The following ATP2B2 variants were observed in gnomAD, a reference collection of about 807,000 sequenced individuals.
ATP2B2 encodes the protein plasma membrane calcium-transporting ATPase 2.
ATP2B2 carries 15 observed loss-of-function variants against 120.0 expected under a neutral mutation model. That is an observed-to-expected ratio of 0.12 (90% CI 0.08 to 0.19). The LOEUF is 0.19. Ranked by LOEUF, ATP2B2 falls within the 10% of genes least tolerant of loss-of-function variation. The probability of loss-of-function intolerance (pLI) is 1.00; values close to 1 mark genes in which losing one functional copy is unlikely to be tolerated. For missense variants in ATP2B2, 1,045 were observed against 1,719.8 expected (o/e 0.61, Z 6.94); for synonymous variants, 694 against 700.3 (o/e 0.99, Z 0.14).
intron 2 of ATP2B2, among the ~76,000 whole-genome samples, chr3:10,546,821 C>T (rs1313851199): frequency 6.6e-6 from 1 of 152,290 alleles, no homozygotes; most frequent in South Asian, 2.1e-4. Flanking sequence ...ACACAGCTAA[C>T]GGTGATGAAG....
chr3:10,595,091 T>G (rs2068734643), intron 2 of ATP2B2, among the ~76,000 whole-genome samples: 1 of 152,218 alleles, frequency 6.6e-6, no homozygotes, highest in Admixed American at 6.5e-5. Flanking sequence ...TAGCTCCAGG[T>G]GCCTCTGAGT....
intron 2 of ATP2B2, among the ~76,000 whole-genome samples, chr3:10,592,631 A>G (rs954916114): frequency 6.6e-5 from 10 of 152,206 alleles, no homozygotes; most frequent in African/African-American, 2.4e-4. Context: ...AATCATGAAC[A>G]TGAAACACCC....
At chr3:10,386,349 T>TGG (rs955051982) in intron 7 of ATP2B2, 131 bp downstream of exon 7, 7 of 983,226 alleles carry the variant, frequency 7.1e-6, no homozygotes, top group Non-Finnish European at 1.1e-5. Flanking sequence ...AAGGAGGGTC[T>TGG]GGGGGGTGGA....
intron 1 of ATP2B2, among the ~76,000 whole-genome samples, chr3:10,671,804 T>C (rs528022416): frequency 2.4e-4 from 37 of 152,142 alleles, no homozygotes; most frequent in African/African-American, 8.7e-4. Context: ...TGATGAACAT[T>C]TTTGTCTGCT....
rs2063086509 is a variant in ATP2B2, at chr3:10,424,481, G to A, written c.200-13666C>T. On this transcript the variant is annotated intron_variant, in intron 2 of 22. Coordinates refer to ENST00000360273, the MANE Select transcript of ATP2B2 (RefSeq NM_001001331.4). ...TTCCTAGGGATGCCAAGCACCTGAA[G>A]GAAATTGGGAAAACTTAGTCACCAG... Among the ~76,000 whole-genome samples the A allele has an allele frequency of 1.3e-5, 2 of 152,204 alleles. 1 individual carries two copies. Among genetic ancestry groups the A allele is most frequent in the South Asian group, 4.1e-4 (2 of 4,828 alleles).
intron 1 of ATP2B2, among the ~76,000 whole-genome samples, chr3:10,489,795 A>G (rs1356416034): frequency 6.6e-6 from 1 of 152,016 alleles, no homozygotes; most frequent in Non-Finnish European, 1.5e-5. Context: ...CCTCCAACCC[A>G]TTATCCTCAC....
chr3:10,519,586 C>A (rs574254450), intron 3 of ATP2B2, among the ~76,000 whole-genome samples: 14 of 152,316 alleles, frequency 9.2e-5, no homozygotes, highest in African/African-American at 3.4e-4. Flanking sequence ...GCCCCTACCC[C>A]ACCTCTGACA....
intron 1 of ATP2B2, among the ~76,000 whole-genome samples, chr3:10,671,272 T>G (rs1380258121): frequency 6.6e-6 from 1 of 151,368 alleles, no homozygotes; most frequent in Non-Finnish European, 1.5e-5. Context: ...AAACCAGGAG[T>G]CCGGAGAACT....
At chr3:10,699,533 T>C (rs545638500) in intron 1 of ATP2B2, among the ~76,000 whole-genome samples, 7 of 152,312 alleles carry the variant, frequency 4.6e-5, no homozygotes, top group Admixed American at 6.5e-5. Context: ...TTTTGTGGTG[T>C]TTAATTAGAG....
chr3:10,609,648 T>C (rs2069177125), intron 2 of ATP2B2, among the ~76,000 whole-genome samples: 1 of 152,146 alleles, frequency 6.6e-6, no homozygotes, highest in South Asian at 2.1e-4. Flanking sequence ...GGTTAACCCT[T>C]TAAGAGCCAG....
At position 10,362,585 on chromosome 3, in the gene ATP2B2, TAG is replaced by T. The variant is rs1250809040; in HGVS notation, c.1660-2464_1660-2463del. Among the ~76,000 whole-genome samples, 3 of 151,886 alleles carry T rather than the reference TAG, an allele frequency of 2.0e-5. No homozygotes were observed. In the East Asian group the frequency reaches 5.8e-4, roughly 29 times the overall value. ...TTAAAGTGGATGTGGTGAGGGAGGGTAGAGTGAGGAAGAACTGCAGGTCCCTT... is the reference window on the plus strand; with the variant it reads ...TTAAAGTGGATGTGGTGAGGGAGGGTAGTGAGGAAGAACTGCAGGTCCCTT... On this transcript the variant is annotated intron_variant, in intron 12 of 22. Transcript: ENST00000360273.
At chr3:10,677,445 A>C (rs2071274063) in intron 1 of ATP2B2, among the ~76,000 whole-genome samples, 1 of 152,216 alleles carries the variant, frequency 6.6e-6, no homozygotes, top group Non-Finnish European at 1.5e-5. Context: ...TGTTTGGGGC[A>C]GTGAACCTAC....
chr3:10,490,566 A>C (rs778631031), intron 1 of ATP2B2, among the ~76,000 whole-genome samples: 12 of 151,936 alleles, frequency 7.9e-5, no homozygotes, highest in African/African-American at 2.9e-4. Context: ...ATGCCTGGCT[A>C]ATTTTTGTGT....
intron 1 of ATP2B2, among the ~76,000 whole-genome samples, chr3:10,648,841 G>C (rs1264541552): frequency 6.6e-6 from 1 of 152,058 alleles, no homozygotes; most frequent in African/African-American, 2.4e-5. Flanking sequence ...TCTGCCCCTG[G>C]TCCTAGGCCA....
chr3:10,658,724 A>G (rs532215505), intron 1 of ATP2B2, among the ~76,000 whole-genome samples: 3 of 152,198 alleles, frequency 2.0e-5, no homozygotes, highest in South Asian at 2.1e-4. Context: ...CCAACATTCA[A>G]ATTCAGGAAA....
intron 1 of ATP2B2, among the ~76,000 whole-genome samples, chr3:10,477,273 A>G (rs1156419576): frequency 1.3e-5 from 2 of 152,186 alleles, no homozygotes; most frequent in African/African-American, 2.4e-5. Context: ...CTACTTCTAG[A>G]TGGGGAAGAT....
chr3:10,443,651 A>T (rs1273828387), intron 2 of ATP2B2, among the ~76,000 whole-genome samples: 2 of 152,218 alleles, frequency 1.3e-5, no homozygotes, highest in Non-Finnish European at 2.9e-5. Flanking sequence ...TCCTCTTGAC[A>T]GCATTTGAGG....
chr3:10,369,744 G>T (rs1017242851), intron 12 of ATP2B2, among the ~76,000 whole-genome samples: 1 of 152,198 alleles, frequency 6.6e-6, no homozygotes, highest in Admixed American at 6.5e-5. Context: ...GGCACCAAGA[G>T]GTTAAATAAT....
At chr3:10,485,187 T>C (rs1156677951) in intron 1 of ATP2B2, among the ~76,000 whole-genome samples, 2 of 152,230 alleles carry the variant, frequency 1.3e-5, no homozygotes, top group African/African-American at 4.8e-5. Context: ...TGGCACCTGC[T>C]TTTTAAAATC....
Sources: gnomAD v4.1 joint callset for allele counts (sites outside exome capture counted in the v4.1 genomes callset) on GRCh38, gnomAD v4.1.1 for gene constraint, MANE v1.5 for transcripts, NCBI Gene and HGNC (gene_info 2026-07-23, HGNC 2026-07-21) for gene names.